PBRM1: variants seen among roughly 807,000 people sequenced by gnomAD.
PBRM1 encodes the protein polybromo 1.
A neutral mutation model predicts 194.5 loss-of-function variants in PBRM1; 27 were observed. The observed-to-expected ratio is 0.14, with a 90% confidence interval of 0.10 to 0.19. The LOEUF (loss-of-function observed/expected upper bound fraction) is 0.19, where lower values mean the gene tolerates loss of function less well. Among genes scored for constraint, PBRM1 ranks in the 10% least tolerant of loss-of-function variants. The pLI, the probability that PBRM1 is intolerant of heterozygous loss-of-function variation, is 1.00. For missense variants in PBRM1, 1,466 were observed against 2,077.2 expected, an observed-to-expected ratio of 0.71 and a Z score of 5.72; for synonymous variants, 655 against 693.2, an observed-to-expected ratio of 0.94 and a Z score of 0.87.
intron 12 of PBRM1, among the ~76,000 whole-genome samples, 192 bp from the exon 14 acceptor site, chr3:52,627,562 G>T (rs149264337): frequency 6.6e-6 from 1 of 152,284 alleles, no homozygotes; most frequent in Admixed American, 6.5e-5. Context: ...AAAAGAGTAG[G>T]TTAAAAAATG....
At chr3:52,614,796 C>T (rs552285343) in intron 15 of PBRM1, among the ~76,000 whole-genome samples, 1 of 152,162 alleles carries the variant, frequency 6.6e-6, no homozygotes, top group Admixed American at 6.5e-5. Flanking sequence ...GTCCTGAACT[C>T]CTGACCTCAA....
intron 25 of PBRM1, 70 bp downstream of exon 27, chr3:52,561,697 C>A (rs999239016): frequency 6.8e-6 from 9 of 1,329,488 alleles, no homozygotes; most frequent in Admixed American, 5.0e-5. Flanking sequence ...AGAGTAAAAC[C>A]TGTCTGTGCG....
At chr3:52,642,144 G>T in intron 9 of PBRM1, 99 bp from the exon 11 acceptor site, 1 of 719,792 alleles carries the variant, frequency 1.4e-6, no homozygotes, top group Middle Eastern at 2.9e-4. Flanking sequence ...TAAGATGAAA[G>T]AAAAATAATT....
chr3:52,590,822 G>A (rs1291571106), intron 17 of PBRM1, among the ~76,000 whole-genome samples: 1 of 152,048 alleles, frequency 6.6e-6, no homozygotes, highest in Non-Finnish European at 1.5e-5. Flanking sequence ...AATTTCATAC[G>A]ATTAGGACTG....
At position 52,579,104 on chromosome 3, in the gene PBRM1, G is replaced by A. The variant is rs779151140; in HGVS notation, c.3483C>T (p.Gly1161=). Residue 1161 remains glycine (G), a synonymous_variant, in exon 21 of 30, where the codon GGC becomes GGT. Coordinates refer to ENST00000296302, the Ensembl canonical transcript of PBRM1. ...CATGGGACTTGATGAAGACACAGTC[G>A]CCAACCTTCAGCCACATGTCATTGT... The A allele has an allele frequency of 7.4e-6, 12 of 1,613,976 alleles. No homozygotes were observed. Among genetic ancestry groups the A allele is most frequent in the East Asian group, 6.7e-5 (3 of 44,898 alleles).
intron 24 of PBRM1, among the ~76,000 whole-genome samples, chr3:52,562,649 T>A (rs2083935562): frequency 3.3e-5 from 5 of 151,770 alleles, no homozygotes; most frequent in Admixed American, 3.3e-4. Flanking sequence ...TCTCAAATGA[T>A]TCTCCTGCCT....
chr3:52,552,880 C>A (rs565707685), intron 27 of PBRM1, among the ~76,000 whole-genome samples: 3 of 152,360 alleles, frequency 2.0e-5, no homozygotes, highest in South Asian at 2.1e-4. Context: ...CAGCAATTCA[C>A]ACAGTCCACT....
intron 15 of PBRM1, among the ~76,000 whole-genome samples, chr3:52,611,355 A>G (rs1209003120): frequency 2.0e-5 from 3 of 152,188 alleles, no homozygotes; most frequent in Non-Finnish European, 2.9e-5. Context: ...CCATAAATAG[A>G]TTTCACATGT....
rs1430528549 is a variant in PBRM1 at position 52,634,603 on chromosome 3, G to T, written c.1300C>A (p.Arg434=). The T allele has an allele frequency of 2.5e-6, 4 of 1,570,808 alleles. No individual in the cohort carries two copies. The South Asian group carries it at 3.3e-5, about 13-fold the overall frequency. Residue 434 remains arginine (R), a splice_region_variant and synonymous_variant, in exon 11 of 30, where the codon CGA becomes AGA. Coordinates refer to ENST00000296302, the Ensembl canonical transcript of PBRM1. ...TGAATAATGTAGAAGACATCTTACC[G>T]GATCTGTTGTAGTGATATGGGCATT...
At chr3:52,657,645 C>T (rs1227072379) in intron 5 of PBRM1, among the ~76,000 whole-genome samples, 2 of 151,892 alleles carry the variant, frequency 1.3e-5, no homozygotes, top group East Asian at 3.9e-4. Flanking sequence ...AGATTTTATA[C>T]TTTTACTAGG....
chr3:52,611,931 G>T (rs569907910), intron 15 of PBRM1, among the ~76,000 whole-genome samples: 1 of 152,010 alleles, frequency 6.6e-6, no homozygotes, highest in African/African-American at 2.4e-5. Flanking sequence ...GTAAGGGGTG[G>T]AAAAAGAGAG....
At chr3:52,545,942 T>C (rs535789466), downstream of PBRM1, 4 of 233,052 alleles carry the variant, frequency 1.7e-5, no homozygotes, top group South Asian at 3.6e-4. Context: ...AAAACATGAT[T>C]CTAAAATAAA....
At chr3:52,678,658 A>G in intron 1 of PBRM1, 61 bp from the exon 3 acceptor site, 2 of 1,040,354 alleles carry the variant, frequency 1.9e-6, no homozygotes, top group Non-Finnish European at 3.0e-6. Context: ...CAGTGTAGAC[A>G]TAAGAATTAT....
chr3:52,633,853 G>GTT (rs566804223), intron 11 of PBRM1, among the ~76,000 whole-genome samples: 2 of 150,780 alleles, frequency 1.3e-5, no homozygotes, highest in Non-Finnish European at 3.0e-5. Flanking sequence ...TCTGAATTGG[G>GTT]TTTTTTTTTG....
At chr3:52,619,502 ATTTT>A (rs954304913) in intron 13 of PBRM1, among the ~76,000 whole-genome samples, 1 of 151,954 alleles carries the variant, frequency 6.6e-6, no homozygotes, top group Admixed American at 6.6e-5. Flanking sequence ...CAATTAAAAA[ATTTT>A]TTTTTCTATC....
At chr3:52,556,672 A>G (rs1399551183) in intron 26 of PBRM1, among the ~76,000 whole-genome samples, 1 of 152,254 alleles carries the variant, frequency 6.6e-6, no homozygotes, top group Non-Finnish European at 1.5e-5. Flanking sequence ...CAAGACAGCA[A>G]CAAGGCTAAT....
intron 20 of PBRM1, among the ~76,000 whole-genome samples, chr3:52,584,381 T>C (rs1432441917): frequency 1.3e-5 from 2 of 151,952 alleles, no homozygotes; most frequent in African/African-American, 4.8e-5. Context: ...GAAATTTCTA[T>C]TTGCTAAATT....
At chr3:52,642,090 T>G (rs762432846) in intron 9 of PBRM1, 45 bp from the exon 11 acceptor site, 1 of 996,554 alleles carries the variant, frequency 1.0e-6, no homozygotes, top group Middle Eastern at 2.1e-4. Context: ...GATGTTATAA[T>G]AATTAGGTTA....
At chr3:52,633,364 T>C (rs1479456445) in intron 11 of PBRM1, among the ~76,000 whole-genome samples, 2 of 152,194 alleles carry the variant, frequency 1.3e-5, no homozygotes, top group African/African-American at 4.8e-5. Flanking sequence ...CTTTTAAAGA[T>C]TGAATAATAT....
Sources: gnomAD v4.1 joint callset for allele counts (sites outside exome capture counted in the v4.1 genomes callset) on GRCh38, gnomAD v4.1.1 for gene constraint, MANE v1.5 for transcripts, NCBI Gene and HGNC (gene_info 2026-07-23, HGNC 2026-07-21) for gene names.